ATG7: variants seen among roughly 807,000 people sequenced by gnomAD.
The protein encoded by ATG7 is ubiquitin-like modifier-activating enzyme ATG7.
In ATG7, 70 loss-of-function variants were observed where a neutral mutation model predicts 82.4. The observed-to-expected ratio is 0.85, with a 90% CI of 0.70 to 1.04. ATG7 has a LOEUF of 1.04. Ranked by LOEUF, ATG7 falls within the 50% of genes least tolerant of loss-of-function variation. The pLI is 0.00. For missense variants in ATG7, 792 were observed against 864.3 expected, an observed-to-expected ratio of 0.92 and a Z score of 1.05; for synonymous variants, 287 against 313.0, an observed-to-expected ratio of 0.92 and a Z score of 0.88.
intron 19 of ATG7, among the ~76,000 whole-genome samples, chr3:11,398,472 C>G (rs2079517239): frequency 1.3e-5 from 2 of 152,224 alleles, no homozygotes; most frequent in South Asian, 2.1e-4. Flanking sequence ...ACTTATAAAA[C>G]TCATTAATTA....
At chr3:11,516,033 A>T (rs760641933) in intron 20 of ATG7, among the ~76,000 whole-genome samples, 6,141 of 138,748 alleles carry the variant, frequency 0.044, 137 homozygotes, top group African/African-American at 0.079. Context: ...TTCCTTTTTA[A>T]AAAAAAAAAA....
At chr3:11,534,674 C>A (rs2092756977) in intron 20 of ATG7, among the ~76,000 whole-genome samples, 1 of 152,244 alleles carries the variant, frequency 6.6e-6, no homozygotes, top group African/African-American at 2.4e-5. Context: ...CCCCAAATGG[C>A]CCTAGTGGTG....
intron 19 of ATG7, among the ~76,000 whole-genome samples, chr3:11,420,154 A>G (rs112727977): frequency 5.9e-5 from 9 of 152,036 alleles, no homozygotes; most frequent in Non-Finnish European, 1.2e-4. Context: ...GTTTGGGGGG[A>G]AAAATCCTTG....
intron 1 of ATG7, among the ~76,000 whole-genome samples, chr3:11,273,071 G>A (rs1056021913): frequency 2.0e-5 from 3 of 152,134 alleles, no homozygotes; most frequent in South Asian, 4.1e-4. Context: ...AAGCCAAACC[G>A]TGTGTGTGTG....
intron 20 of ATG7, among the ~76,000 whole-genome samples, chr3:11,478,190 A>G (rs919588403): frequency 5.3e-5 from 8 of 152,212 alleles, no homozygotes; most frequent in Non-Finnish European, 1.2e-4. Context: ...TGAGAAAAAC[A>G]TGGTGATTAT....
At chr3:11,435,639 C>A (rs958347422) in intron 20 of ATG7, among the ~76,000 whole-genome samples, 1 of 152,172 alleles carries the variant, frequency 6.6e-6, no homozygotes, top group Non-Finnish European at 1.5e-5. Flanking sequence ...GCCAAGACTG[C>A]CATGTTCCTC....
At chr3:11,304,923 A>G (rs1457131248) in intron 5 of ATG7, among the ~76,000 whole-genome samples, 1 of 152,174 alleles carries the variant, frequency 6.6e-6, no homozygotes, top group Non-Finnish European at 1.5e-5. Flanking sequence ...TAGTAGATTC[A>G]TAGAGTTGTG....
chr3:11,564,237 A>G, the ATG7 span, among the ~76,000 whole-genome samples: 1 of 152,170 alleles, frequency 6.6e-6, no homozygotes, highest in African/African-American at 2.4e-5. Flanking sequence ...CAATCATTTA[A>G]TTTCCTATTT....
At position 11,340,688 on chromosome 3, in the gene ATG7, C is replaced by T; in HGVS notation, c.933C>T (p.Gly311=). 6.2e-7 allele frequency: 1 copy of T among 1,613,806 alleles called. No individual in the cohort carries two copies. The highest frequency in any genetic ancestry group is 8.5e-7 in the Non-Finnish European group (1 of 1,179,848). ...GATGGGAAAAGAACCAGAAAGGAGGCATGGGACCAAGGATGGTGAACCTCA... is the reference window on the plus strand; with the variant it reads ...GATGGGAAAAGAACCAGAAAGGAGGTATGGGACCAAGGATGGTGAACCTCA... The part of the protein sequence containing the change: ...AVGWEKNQKG[G]MGPRMVNLSE... Residue 311 remains glycine, a synonymous_variant, in exon 12 of 21, where the codon GGC becomes GGT. Transcript: ENST00000693202.
In ATG7 at chr3:11,372,247, G is replaced by GT. The variant is rs527282409; in HGVS notation, c.1875+7519dup. ...TCTAGGCTCTGTGATTCCCAGGTGG[G>GT]TTTTTTAATATTCAGGGAGTAGCAA... is the stretch of plus-strand genomic sequence containing the variant. On this transcript the variant is annotated intron_variant, in intron 18 of 20. Transcript: ENST00000693202. Among the ~76,000 whole-genome samples, 49 of 151,190 alleles carry GT rather than the reference G, an allele frequency of 3.2e-4. No homozygotes were observed. In the East Asian group the frequency reaches 4.1e-3, roughly 12 times the overall value.
intron 19 of ATG7, among the ~76,000 whole-genome samples, chr3:11,380,472 CAG>C (rs2077806643): frequency 6.6e-6 from 1 of 152,140 alleles, no homozygotes; most frequent in Admixed American, 6.5e-5. Context: ...AAAAAGTAAA[CAG>C]AGATTAGGGG....
intron 20 of ATG7, among the ~76,000 whole-genome samples, chr3:11,533,383 T>G (rs1381040525): frequency 3.3e-5 from 5 of 152,046 alleles, no homozygotes; most frequent in Non-Finnish European, 5.9e-5. Flanking sequence ...AATAATTTCT[T>G]AAGAAAGATA....
chr3:11,413,848 C>G (rs1350297806), intron 19 of ATG7, among the ~76,000 whole-genome samples: 1 of 152,174 alleles, frequency 6.6e-6, no homozygotes. Flanking sequence ...GTGGAACCAT[C>G]AGGTGCAGGG....
chr3:11,472,996 CT>C lies in ATG7; in HGVS notation c.2079+46079del, dbSNP rs111824597. 7.7e-3 allele frequency among the ~76,000 whole-genome samples: 1,168 copies of C among 151,718 alleles called. 7 individuals are homozygous for C. Among genetic ancestry groups the C allele is most frequent in the Non-Finnish European group, 0.011 (765 of 67,898 alleles). ...TTTTCAGGAGCATACTTTCCTTTCA[CT>C]TTTTTTTTGTAACTAATCAATGATT... is the stretch of plus-strand genomic sequence containing the variant. On this transcript the variant is annotated intron_variant, in intron 20 of 20. Coordinates refer to ENST00000693202, the MANE Select transcript of ATG7 (RefSeq NM_001349232.2).
downstream of ATG7, among the ~76,000 whole-genome samples, chr3:11,560,488 A>G (rs916848278): frequency 2.0e-4 from 31 of 152,250 alleles, no homozygotes; most frequent in African/African-American, 7.2e-4. Flanking sequence ...CTCCCCAGCC[A>G]GCCCTTTCCA....
chr3:11,340,474 A>T (rs1345311751), intron 11 of ATG7, among the ~76,000 whole-genome samples, 171 bp from the exon 12 acceptor site: 1 of 152,140 alleles, frequency 6.6e-6, no homozygotes, highest in Non-Finnish European at 1.5e-5. Context: ...CAACTGTGGC[A>T]AGTCTGTGGA....
intron 20 of ATG7, among the ~76,000 whole-genome samples, chr3:11,439,069 C>CTTTTTTTTTTTTTTTT (rs67206280): frequency 2.5e-4 from 31 of 121,962 alleles, no homozygotes; most frequent in Non-Finnish European, 4.4e-4. Flanking sequence ...TTCTTTCTTT[C>CTTTTTTTTTTTTTTTT]TTTTTTTTTT....
intron 20 of ATG7, 136 bp downstream of exon 20, chr3:11,427,062 A>G (rs920463650): frequency 1.7e-6 from 2 of 1,148,526 alleles, no homozygotes; most frequent in Non-Finnish European, 2.3e-6. Context: ...TAAGTCTGCT[A>G]GTTACCAGAG....
intron 6 of ATG7, 103 bp from the exon 7 acceptor site, chr3:11,308,881 T>C (rs1381118179): frequency 6.6e-6 from 7 of 1,068,622 alleles, no homozygotes; most frequent in Admixed American, 1.7e-5. Flanking sequence ...GCTGGGCCTG[T>C]AGGAAAGAAG....
Sources: gnomAD v4.1 joint callset for allele counts (sites outside exome capture counted in the v4.1 genomes callset) on GRCh38, gnomAD v4.1.1 for gene constraint, MANE v1.5 for transcripts, NCBI Gene and HGNC (gene_info 2026-07-23, HGNC 2026-07-21) for gene names.